PGM3: variants seen among roughly 807,000 people sequenced by gnomAD.
PGM3 encodes phosphoglucomutase 3, also known as phosphoacetylglucosamine mutase.
Under a neutral mutation model 66.2 loss-of-function variants are expected in PGM3, and 40 were observed. That is an observed-to-expected ratio of 0.60 (90% CI 0.47 to 0.79). The LOEUF (loss-of-function observed/expected upper bound fraction) is 0.79, where lower values mean the gene tolerates loss of function less well. Among genes scored for constraint, PGM3 ranks in the 30% least tolerant of loss-of-function variants. PGM3 has a pLI of 0.00. For synonymous variants in PGM3, 191 were observed against 224.2 expected (o/e 0.85, Z 1.32); for missense variants, 537 against 643.4 (o/e 0.83, Z 1.79).
At position 83,168,169 on chromosome 6, in the gene PGM3, C is replaced by T. The variant is rs762367065; in HGVS notation, c.*1065G>A. 1 of 1,610,390 alleles carries T rather than the reference C, an allele frequency of 6.2e-7. No individual in the cohort carries two copies. The highest frequency in any genetic ancestry group is 8.5e-7 in the Non-Finnish European group (1 of 1,178,648). On this transcript the variant is annotated 3_prime_UTR_variant, in exon 13 of 13. Transcript: ENST00000513973. ...CTGGAAGGGATGATAAAAACTTGAG[C>T]ACCATTGCTGGTTCCATTTAGCTTA...
At chr6:83,187,196 G>C in intron 3 of PGM3, 121 bp from the exon 4 acceptor site, 1 of 590,826 alleles carries the variant, frequency 1.7e-6, no homozygotes, top group Non-Finnish European at 3.1e-6. Flanking sequence ...CCTGGTATCT[G>C]AACTGAAAGC....
At chr6:83,177,635 A>C (rs779227935) in intron 8 of PGM3, among the ~76,000 whole-genome samples, 1 of 152,140 alleles carries the variant, frequency 6.6e-6, no homozygotes, top group Non-Finnish European at 1.5e-5. Flanking sequence ...TCTCTCCTTG[A>C]CCAAACTTTA....
Position 83,170,393 on chromosome 6 carries a change from A to G in PGM3, c.1451T>C (p.Leu484Pro). 1 of 1,614,112 alleles carries G rather than the reference A, an allele frequency of 6.2e-7. No individual in the cohort carries two copies. Among genetic ancestry groups the G allele is most frequent in the Non-Finnish European group, 8.5e-7 (1 of 1,179,982 alleles). Residue 484 changes from leucine (L) to proline (P), a missense_variant, in exon 12 of 13, where the codon CTG becomes CCG. Transcript: ENST00000513973. ...PPGLQEAIND[L>P]VKKYKLSRAF... Reference sequence around the variant, plus strand: ...TCGAGAAAGCTTGTACTTCTTCACCAGGTCATTGATTGCCTCCTGTAATCC... The same window carrying G: ...TCGAGAAAGCTTGTACTTCTTCACCGGGTCATTGATTGCCTCCTGTAATCC...
At chr6:83,154,331 C>G in the PGM3 span, 2 of 1,195,484 alleles carry the variant, frequency 1.7e-6, no homozygotes, top group Non-Finnish European at 2.4e-6. Context: ...GACTAGGAGA[C>G]TACTGAATTA....
downstream of PGM3, among the ~76,000 whole-genome samples, chr6:83,156,474 T>C (rs1478663081): frequency 2.0e-5 from 3 of 152,208 alleles, no homozygotes; most frequent in Non-Finnish European, 4.4e-5. Context: ...AAATTGTGGC[T>C]AGAAGTAACA....
the PGM3 span, among the ~76,000 whole-genome samples, chr6:83,154,848 G>T: frequency 6.6e-6 from 1 of 152,016 alleles, no homozygotes; most frequent in East Asian, 1.9e-4. Flanking sequence ...CAGTAACATT[G>T]TATGATTCTG....
chr6:83,167,350 T>C lies in PGM3; in HGVS notation c.*1884A>G. On this transcript the variant is annotated 3_prime_UTR_variant, in exon 13 of 13. Transcript: ENST00000513973. Reference sequence around the variant, plus strand: ...CCTTCCTTTCTCTGTGATGCAGTACTGACAGTAATTATTCACTTTGGACAC... The same window carrying C: ...CCTTCCTTTCTCTGTGATGCAGTACCGACAGTAATTATTCACTTTGGACAC... 8.1e-6 allele frequency: 8 copies of C among 985,486 alleles called. No homozygotes were observed. Among genetic ancestry groups the C allele is most frequent in the Non-Finnish European group, 9.6e-6 (8 of 829,916 alleles). The allele number at this position is 985,486 out of a possible 1,614,324, so 61.0% of individuals were successfully genotyped here.
Position 83,182,931 on chromosome 6 carries a change from G to A in PGM3, c.505C>T (p.Arg169Ter), listed in dbSNP as rs142161221. 5 of 1,613,800 alleles carry A rather than the reference G, an allele frequency of 3.1e-6. No individual in the cohort carries two copies. The highest frequency in any genetic ancestry group is 2.2e-5 in the East Asian group (1 of 44,868). The change falls in exon 5 of 13, where the codon CGA (arginine) becomes TGA (stop). Residue 169 changes from arginine to a stop codon, truncating the protein, a stop_gained. Transcript: ENST00000513973. LOFTEE classifies it high-confidence loss of function. ...TPQLHYMVYC[R>*]NTGGRYGKAT... ...TTTCCATATCGGCCACCCGTGTTTC[G>A]ACAATACACCATGTAGTGCAGCTGG...
chr6:83,163,190 T>C (rs2128431265), downstream of PGM3, among the ~76,000 whole-genome samples: 1 of 152,242 alleles, frequency 6.6e-6, no homozygotes. Flanking sequence ...TACCTTAAAA[T>C]GTTTTCCCCT....
downstream of PGM3, among the ~76,000 whole-genome samples, chr6:83,158,401 T>C (rs978996565): frequency 2.6e-5 from 4 of 152,032 alleles, no homozygotes; most frequent in Admixed American, 1.3e-4. Context: ...CAAGGCTCTG[T>C]GTGGCTAAAT....
intron 2 of PGM3, 110 bp from the exon 3 acceptor site, chr6:83,188,908 C>T (rs1393053014): frequency 1.3e-6 from 1 of 770,568 alleles, no homozygotes; most frequent in Non-Finnish European, 2.1e-6. Flanking sequence ...GGCTGAGCAG[C>T]TTCAACAATA....
At chr6:83,149,709 T>C in the PGM3 span, among the ~76,000 whole-genome samples, 1 of 152,244 alleles carries the variant, frequency 6.6e-6, no homozygotes, top group East Asian at 1.9e-4. Flanking sequence ...CTAGGAATTC[T>C]ATTTCAAGTG....
In PGM3 at chr6:83,170,300, C is replaced by G; in HGVS notation, c.1539+5G>C. 6.2e-7 allele frequency: 1 copy of G among 1,613,892 alleles called. No individual in the cohort carries two copies. The highest frequency in any genetic ancestry group is 8.5e-7 in the Non-Finnish European group (1 of 1,179,800). On this transcript the variant is annotated splice_donor_5th_base_variant and intron_variant, in intron 12 of 12. Transcript: ENST00000513973. ...CTCTTTTTCAATAGAACTATCCCAG[C>G]TTACTTGTGAGTCTGCTTCTGCATA...
At chr6:83,190,674 T>G in intron 2 of PGM3, 135 bp downstream of exon 2, 1 of 692,700 alleles carries the variant, frequency 1.4e-6, no homozygotes, top group Non-Finnish European at 2.5e-6. Context: ...AAAAAGTTGT[T>G]TCACATCCAA....
At chr6:83,156,132 C>A in the PGM3 span, 1 of 1,577,176 alleles carries the variant, frequency 6.3e-7, no homozygotes, top group Admixed American at 1.8e-5. Flanking sequence ...TTTATTTTTT[C>A]TCTAACTACA....
Position 83,172,017 on chromosome 6 carries a change from T to C in PGM3, c.1285A>G (p.Ile429Val), listed in dbSNP as rs750802092. 1.7e-5 allele frequency: 28 copies of C among 1,613,714 alleles called. No homozygotes were observed. The highest frequency in any genetic ancestry group is 6.7e-5 in the East Asian group (3 of 44,892). ...ACAGTCAAGCCCTTCAGAGCCAAGA[T>C]TGCTTCAATCACCAGCATGTCAGAA... ...AISDMLVIEA[I>V]LALKGLTVQQ... is the part of the protein sequence containing the mutation. The change falls in exon 11 of 13, where the codon ATC becomes GTC. Residue 429 changes from isoleucine to valine, a missense_variant. Ile to Val is a conservative substitution (Grantham distance 29). Coordinates refer to ENST00000513973, the MANE Select transcript of PGM3 (RefSeq NM_015599.3).
intron 10 of PGM3, among the ~76,000 whole-genome samples, chr6:83,172,521 T>G (rs1346372976): frequency 6.6e-6 from 1 of 152,102 alleles, no homozygotes; most frequent in Non-Finnish European, 1.5e-5. Context: ...TAGCTAGGTG[T>G]GGTAGTGGGC....
In PGM3 at chr6:83,166,047, G is replaced by A. The variant is rs113203269; in HGVS notation, c.*3187C>T. 2,315 of 282,004 alleles carry A rather than the reference G, an allele frequency of 8.2e-3. 52 individuals are homozygous for A. The highest frequency in any genetic ancestry group is 0.046 in the African/African-American group (2,135 of 46,026). 17.5% of individuals were successfully genotyped at this position (282,004 alleles called of 1,614,324 possible). A position where few individuals can be genotyped will look rare whatever the true frequency, so the allele number is the denominator to read the frequency against. On this transcript the variant is annotated 3_prime_UTR_variant, in exon 13 of 13. Coordinates refer to ENST00000513973, the MANE Select transcript of PGM3 (RefSeq NM_015599.3). ...ACTGAGCTGGTCATCGCCAGTTGTC[G>A]TATAAAATCCACCTTTTGGCACACA...
chr6:83,176,931 C>T (rs960352716), intron 8 of PGM3, among the ~76,000 whole-genome samples: 2 of 152,138 alleles, frequency 1.3e-5, no homozygotes, highest in Non-Finnish European at 2.9e-5. Flanking sequence ...GGCAAATGGG[C>T]CCCAGATGGA....
Sources: gnomAD v4.1 joint callset for allele counts (sites outside exome capture counted in the v4.1 genomes callset) on GRCh38, gnomAD v4.1.1 for gene constraint, MANE v1.5 for transcripts, NCBI Gene and HGNC (gene_info 2026-07-23, HGNC 2026-07-21) for gene names.